The following GRK5 variants were observed in gnomAD, a reference collection of about 807,000 sequenced individuals.
The protein encoded by GRK5 is G protein-coupled receptor kinase 5, also known as g protein-coupled receptor kinase GRK5.
In GRK5, 40 loss-of-function variants were observed where a neutral mutation model predicts 78.4. The observed-to-expected ratio is 0.51, with a 90% CI of 0.40 to 0.66. The LOEUF is 0.66. GRK5 is among the 30% of genes least tolerant of loss of function. The pLI, the probability that GRK5 is intolerant of heterozygous loss-of-function variation, is 0.00. For synonymous variants in GRK5, 289 were observed against 296.8 expected (o/e 0.97, Z 0.27); for missense variants, 598 against 759.9 (o/e 0.79, Z 2.50).
rs1018945287 is a variant in GRK5, at chr10:119,336,914, G to T, written c.148+10303G>T. On this transcript the variant is annotated intron_variant, in intron 2 of 15. Coordinates refer to ENST00000392870, the MANE Select transcript of GRK5 (RefSeq NM_005308.3). The surrounding 1 kb of genome is among the most constrained non-coding windows in gnomAD (Gnocchi z 4.5). ...GAAGGGTGGCCCCGCTGTCTTTGCG[G>T]TGTTAGTCTCACCTCCCCACTACGG... Among the ~76,000 whole-genome samples the T allele has an allele frequency of 1.3e-5, 2 of 152,204 alleles. No homozygotes were observed. The highest frequency in any genetic ancestry group is 2.9e-5 in the Non-Finnish European group (2 of 68,036).
intron 1 of GRK5, among the ~76,000 whole-genome samples, chr10:119,257,448 G>A (rs1484658666): frequency 6.6e-6 from 1 of 152,122 alleles, no homozygotes; most frequent in Non-Finnish European, 1.5e-5. Flanking sequence ...GCAGGGGCCG[G>A]GTACGGTGGC....
chr10:119,394,118 GTGT>G (rs1564916623), intron 3 of GRK5, among the ~76,000 whole-genome samples: 10 of 11,720 alleles, frequency 8.5e-4, no homozygotes, highest in South Asian at 2.6e-3. Context: ...TGTGGGGGGT[GTGT>G]GTGTGTGTGT....
chr10:119,441,064 C>T (rs1282769032), intron 10 of GRK5, among the ~76,000 whole-genome samples: 2 of 152,210 alleles, frequency 1.3e-5, no homozygotes, highest in Admixed American at 6.5e-5. Flanking sequence ...GAAACCGGGT[C>T]GCTGATGACC....
At chr10:119,309,799 T>C (rs1167477904) in intron 1 of GRK5, among the ~76,000 whole-genome samples, 1 of 152,190 alleles carries the variant, frequency 6.6e-6, no homozygotes, top group Non-Finnish European at 1.5e-5. Flanking sequence ...ACCCAGCTCT[T>C]GCCTGTCCCT....
chr10:119,375,990 C>T (rs550796863), intron 2 of GRK5, among the ~76,000 whole-genome samples: 12 of 152,294 alleles, frequency 7.9e-5, no homozygotes, highest in South Asian at 6.2e-4. Context: ...GTGGACTGCA[C>T]GTGAATCATT....
At chr10:119,389,928 T>C (rs1851861824) in intron 3 of GRK5, among the ~76,000 whole-genome samples, 1 of 152,196 alleles carries the variant, frequency 6.6e-6, no homozygotes, top group African/African-American at 2.4e-5. Context: ...CCCCACAATT[T>C]GTTTGTTCAG....
In GRK5 at chr10:119,430,493, C is replaced by CT. The variant is rs1489986199; in HGVS notation, c.597+56dup. The CT allele has an allele frequency of 6.6e-7, 1 of 1,525,484 alleles. No homozygotes were observed. Among genetic ancestry groups the CT allele is most frequent in the Non-Finnish European group, 9.1e-7 (1 of 1,104,330 alleles). The allele number at this position is 1,525,484 out of a possible 1,614,324, so 94.5% of individuals were successfully genotyped here. A position where few individuals can be genotyped will look rare whatever the true frequency, so the allele number is the denominator to read the frequency against. On this transcript the variant is annotated intron_variant, in intron 7 of 15. Transcript: ENST00000392870. The surrounding 1 kb of genome is among the most constrained non-coding windows in gnomAD (Gnocchi z 4.5). Reference sequence around the variant, plus strand: ...AGTTCTTACATTCAAGTCACCTTTCCTGTCCCTTCTAAATCAACCTAAAGG... The same window carrying CT: ...AGTTCTTACATTCAAGTCACCTTTCCTTGTCCCTTCTAAATCAACCTAAAGG...
chr10:119,432,038 A>C, intron 8 of GRK5, among the ~76,000 whole-genome samples: 1 of 152,320 alleles, frequency 6.6e-6, no homozygotes, highest in East Asian at 1.9e-4. Context: ...TCTGTCACTC[A>C]CCTGAAGTCC....
intron 1 of GRK5, among the ~76,000 whole-genome samples, chr10:119,226,293 T>TC (rs1254880947): frequency 6.9e-6 from 1 of 145,860 alleles, no homozygotes; most frequent in East Asian, 2.0e-4. Flanking sequence ...TTCTTTTTCT[T>TC]TTTTTTTTTT....
At chr10:119,335,880 T>C (rs949390765) in intron 2 of GRK5, 4 of 152,266 alleles carry the variant, frequency 2.6e-5, no homozygotes, top group African/African-American at 9.7e-5. Context: ...TTCTCTAGTT[T>C]GCAGTTTATT....
At chr10:119,417,282 C>A (rs1042793082) in intron 4 of GRK5, among the ~76,000 whole-genome samples, 1 of 152,190 alleles carries the variant, frequency 6.6e-6, no homozygotes, top group African/African-American at 2.4e-5. Flanking sequence ...CATGCCCAGG[C>A]CTGGCCCCTG....
chr10:119,300,010 G>T (rs1475847542), intron 1 of GRK5, among the ~76,000 whole-genome samples: 2 of 152,078 alleles, frequency 1.3e-5, no homozygotes, highest in African/African-American at 4.8e-5. Context: ...CTAAGCAGAT[G>T]TTCTTAAGGG....
rs183748406 is a variant in GRK5, at chr10:119,423,109, C to G, written c.340-57C>G. ...CTTGGCCCAACACCTGTGGGCAAAC[C>G]CGGCCGCACTGCTGCTGGCTCCTCA... On this transcript the variant is annotated intron_variant, in intron 4 of 15. Transcript: ENST00000392870. The G allele has an allele frequency of 2.1e-4, 258 of 1,214,928 alleles. 1 individual carries two copies. The highest frequency in any genetic ancestry group is 2.1e-4 in the Non-Finnish European group (171 of 818,134). 75.3% of individuals were successfully genotyped at this position (1,214,928 alleles called of 1,614,324 possible). A position where few individuals can be genotyped will look rare whatever the true frequency, so the allele number is the denominator to read the frequency against.
intron 9 of GRK5, 24 bp from the exon 10 acceptor site, chr10:119,439,707 G>A (rs1220331027): frequency 6.2e-7 from 1 of 1,613,922 alleles, no homozygotes; most frequent in East Asian, 2.2e-5. Context: ...CCCACACTCT[G>A]ATGCTTGTTG....
intron 8 of GRK5, among the ~76,000 whole-genome samples, chr10:119,435,601 T>G (rs1238746947): frequency 6.6e-6 from 1 of 152,258 alleles, no homozygotes. Context: ...GCCTGGACTT[T>G]ATTATCCATA....
At chr10:119,261,139 G>A (rs1213475156) in intron 1 of GRK5, among the ~76,000 whole-genome samples, 11 of 150,310 alleles carry the variant, frequency 7.3e-5, no homozygotes, top group Non-Finnish European at 1.3e-4. Context: ...TCACTTTTCA[G>A]ACGGGGCGGC....
intron 4 of GRK5, 109 bp downstream of exon 4, chr10:119,396,881 G>A (rs372274718): frequency 2.4e-6 from 2 of 846,782 alleles, no homozygotes; most frequent in African/African-American, 1.7e-5. Context: ...GTGCTGGGCT[G>A]GTGGCTGTTG....
intron 1 of GRK5, among the ~76,000 whole-genome samples, chr10:119,241,122 T>G (rs556758079): frequency 6.6e-6 from 1 of 152,290 alleles, no homozygotes; most frequent in South Asian, 2.1e-4. Flanking sequence ...GTTGCGTGCT[T>G]CCTGGTGGAC....
chr10:119,214,534 T>C lies in GRK5; in HGVS notation c.52+6565T>C, dbSNP rs116360716. Among the ~76,000 whole-genome samples, 1,172 of 152,238 alleles carry C rather than the reference T, an allele frequency of 7.7e-3. 17 individuals carry two copies. The highest frequency in any genetic ancestry group is 0.027 in the African/African-American group (1,121 of 41,552). ...ACTGAGGGGTTTTTGTTTTGTTTTG[T>C]TTTTTGAGACAGGGTCTTGCTGTCA... is the stretch of plus-strand genomic sequence containing the variant. On this transcript the variant is annotated intron_variant, in intron 1 of 15. Coordinates refer to ENST00000392870, the MANE Select transcript of GRK5 (RefSeq NM_005308.3).
Sources: allele counts gnomAD v4.1 joint callset (sites outside exome capture counted in the v4.1 genomes callset), GRCh38; gene constraint gnomAD v4.1.1; non-coding constraint Gnocchi (gnomAD v3.1); transcripts MANE v1.5; gene names NCBI Gene and HGNC (gene_info 2026-07-23, HGNC 2026-07-21).